SLC8A1: variants seen among roughly 807,000 people sequenced by gnomAD.
The protein encoded by SLC8A1 is sodium/calcium exchanger 1.
Under a neutral mutation model 68.3 loss-of-function variants are expected in SLC8A1, and 18 were observed. The ratio of observed to expected loss-of-function variants is 0.26; its 90% CI spans 0.18 to 0.39. The LOEUF is 0.39. Ranked by LOEUF, SLC8A1 falls within the 10% of genes least tolerant of loss-of-function variation. The pLI is 1.00. For missense variants in SLC8A1, 985 were observed against 1,156.7 expected (o/e 0.85, Z 2.15); for synonymous variants, 475 against 415.5 (o/e 1.14, Z -1.74).
intron 6 of SLC8A1, among the ~76,000 whole-genome samples, chr2:40,149,647 C>G (rs772260909): frequency 6.6e-6 from 1 of 152,142 alleles, no homozygotes; most frequent in Non-Finnish European, 1.5e-5. Flanking sequence ...GGAATCAGAA[C>G]TTGTGGGTCA....
At chr2:40,264,684 A>G (rs1391276773) in intron 2 of SLC8A1, among the ~76,000 whole-genome samples, 1 of 152,084 alleles carries the variant, frequency 6.6e-6, no homozygotes, top group Non-Finnish European at 1.5e-5. Context: ...GGAACATCAC[A>G]CTCTGAGGAC....
intron 6 of SLC8A1, among the ~76,000 whole-genome samples, chr2:40,158,218 G>C (rs1018962964): frequency 2.4e-4 from 37 of 152,136 alleles, no homozygotes; most frequent in Non-Finnish European, 5.3e-4. Context: ...TCCAATGAAA[G>C]TCTGACTTCA....
intron 2 of SLC8A1, among the ~76,000 whole-genome samples, chr2:40,324,987 C>G (rs1412046746): frequency 6.6e-6 from 1 of 151,996 alleles, no homozygotes; most frequent in East Asian, 1.9e-4. Context: ...CTTCTGTATC[C>G]TAACAGCACT....
chr2:40,269,912 C>G (rs2065818937), intron 2 of SLC8A1, among the ~76,000 whole-genome samples: 1 of 152,088 alleles, frequency 6.6e-6, no homozygotes, highest in South Asian at 2.1e-4. Flanking sequence ...GAACTAAAGT[C>G]TTCAAGGGCA....
At chr2:40,133,570 T>G (rs2039852343) in intron 7 of SLC8A1, among the ~76,000 whole-genome samples, 1 of 152,090 alleles carries the variant, frequency 6.6e-6, no homozygotes, top group Non-Finnish European at 1.5e-5. Flanking sequence ...TCATACCCAA[T>G]TTTTAAGCTT....
chr2:40,192,102 A>T (rs1244254233), intron 2 of SLC8A1, among the ~76,000 whole-genome samples: 1 of 152,146 alleles, frequency 6.6e-6, no homozygotes, highest in African/African-American at 2.4e-5. Flanking sequence ...AATTTATATA[A>T]GAGATTTTTT....
intron 2 of SLC8A1, among the ~76,000 whole-genome samples, chr2:40,351,976 C>T (rs1671242588): frequency 6.6e-6 from 1 of 152,122 alleles, no homozygotes; most frequent in African/African-American, 2.4e-5. Context: ...GAATCCAAAT[C>T]TTATCCAAAA....
chr2:40,479,507 TTC>T (rs1230784255), intron 1 of SLC8A1, among the ~76,000 whole-genome samples: 1 of 152,180 alleles, frequency 6.6e-6, no homozygotes, highest in African/African-American at 2.4e-5. Context: ...GGATATTACT[TTC>T]TCTCTCAAGA....
intron 2 of SLC8A1, among the ~76,000 whole-genome samples, chr2:40,319,203 T>C (rs895093401): frequency 1.3e-5 from 2 of 152,208 alleles, no homozygotes; most frequent in South Asian, 2.1e-4. Flanking sequence ...GTGATCACAA[T>C]GAGAATTTCC....
At chr2:40,429,544 A>G in exon 2 of SLC8A1, 1 of 1,613,810 alleles carries the variant, frequency 6.2e-7, no homozygotes, top group Non-Finnish European at 8.5e-7. Context: ...AGCGAACACA[A>G]CACAGATGGG....
intron 1 of SLC8A1, among the ~76,000 whole-genome samples, chr2:40,483,262 AAT>A (rs1342103983): frequency 1.3e-5 from 2 of 150,628 alleles, no homozygotes; most frequent in African/African-American, 4.8e-5. Flanking sequence ...AATCACTGAA[AAT>A]ATATATGTTA....
intron 1 of SLC8A1, among the ~76,000 whole-genome samples, chr2:40,502,243 C>T (rs1706100651): frequency 6.6e-6 from 1 of 151,986 alleles, no homozygotes; most frequent in South Asian, 2.1e-4. Flanking sequence ...ATTTAGCTTC[C>T]CTTTCCTCAT....
At chr2:40,219,158 G>A (rs1294576162) in intron 2 of SLC8A1, among the ~76,000 whole-genome samples, 1 of 152,228 alleles carries the variant, frequency 6.6e-6, no homozygotes, top group African/African-American at 2.4e-5. Context: ...CAATTGGGAT[G>A]CTGGAGCGGA....
chr2:40,409,855 T>A (rs989281759), intron 2 of SLC8A1, among the ~76,000 whole-genome samples: 42 of 152,168 alleles, frequency 2.8e-4, no homozygotes, highest in African/African-American at 2.4e-5. Flanking sequence ...TTCAATTTCA[T>A]TACTGTCTGC....
intron 2 of SLC8A1, among the ~76,000 whole-genome samples, chr2:40,283,531 T>C (rs1408600013): frequency 1.3e-5 from 2 of 152,180 alleles, no homozygotes; most frequent in African/African-American, 4.8e-5. Context: ...TGAGAAGATT[T>C]TCACATACCC....
At chr2:40,345,665 T>C (rs1284872755) in intron 2 of SLC8A1, among the ~76,000 whole-genome samples, 1 of 152,044 alleles carries the variant, frequency 6.6e-6, no homozygotes, top group South Asian at 2.1e-4. Context: ...TATGCAGCCA[T>C]AGAAAAGAAT....
intron 2 of SLC8A1, among the ~76,000 whole-genome samples, chr2:40,264,335 C>T (rs1291715652): frequency 6.6e-6 from 1 of 152,094 alleles, no homozygotes; most frequent in Non-Finnish European, 1.5e-5. Context: ...TTTGACCCAG[C>T]CATCCCGTTA....
rs1048532105 is a variant in SLC8A1 at position 40,298,475 on chromosome 2, G to C, written c.1809-120620C>G. 6.6e-5 allele frequency among the ~76,000 whole-genome samples: 10 copies of C among 152,158 alleles called. No individual in the cohort carries two copies. In the East Asian group the frequency reaches 9.6e-4, roughly 15 times the overall value. ...TCCTATAAAAAAGGTAATTAGTTAA[G>C]GGATTTTGGGGGTAGGAGAATGAGG... On this transcript the variant is annotated intron_variant, in intron 2 of 7. Transcript: ENST00000406785.
intron 2 of SLC8A1, among the ~76,000 whole-genome samples, chr2:40,234,959 C>G (rs11124735): frequency 0.45 from 68,190 of 151,680 alleles, 16,851 homozygotes; most frequent in Non-Finnish European, 0.57. Flanking sequence ...CCCACTTGAT[C>G]ATGGTGGATA....
Sources: gnomAD v4.1 joint callset for allele counts (sites outside exome capture counted in the v4.1 genomes callset) on GRCh38, gnomAD v4.1.1 for gene constraint, MANE v1.5 for transcripts, NCBI Gene and HGNC (gene_info 2026-07-23, HGNC 2026-07-21) for gene names.